Variants in SLC7A5 observed in about 807,000 individuals in gnomAD.
The protein encoded by SLC7A5 is solute carrier family 7 member 5, also known as large neutral amino acids transporter small subunit 1.
A neutral mutation model predicts 50.2 loss-of-function variants in SLC7A5; 23 were observed. That is an observed-to-expected ratio of 0.46 (90% CI 0.33 to 0.65). The LOEUF (loss-of-function observed/expected upper bound fraction) is 0.65. Among genes scored for constraint, SLC7A5 ranks in the 30% least tolerant of loss-of-function variants. The pLI is 0.02. For synonymous variants in SLC7A5, 393 were observed against 330.6 expected, an observed-to-expected ratio of 1.19 and a Z score of -2.05; for missense variants, 578 against 684.4, an observed-to-expected ratio of 0.84 and a Z score of 1.73.
At position 87,833,395 on chromosome 16, in the gene SLC7A5, T is replaced by C. The variant is rs1403236898; in HGVS notation, c.1469-370A>G. 6.6e-6 allele frequency among the ~76,000 whole-genome samples: 1 copy of C among 152,202 alleles called. No individual in the cohort carries two copies. ...ACACCCGGGCCACCACCTGGACACA[T>C]GCCTGGACTGTTCACAGCAGGCAGG... On this transcript the variant is annotated intron_variant, in intron 9 of 9. Coordinates refer to ENST00000261622, the MANE Select transcript of SLC7A5 (RefSeq NM_003486.7). This position sits in a 1 kb window ranked among gnomAD's most constrained non-coding sequence, Gnocchi z 6.0.
intron 1 of SLC7A5, among the ~76,000 whole-genome samples, chr16:87,858,797 C>T (rs112227703): frequency 2.0e-5 from 3 of 152,202 alleles, no homozygotes; most frequent in South Asian, 2.1e-4. Context: ...ACAATGAACT[C>T]GTTGAACAGA....
At chr16:87,836,196 C>T (rs866739881) in intron 8 of SLC7A5, among the ~76,000 whole-genome samples, 11 of 152,250 alleles carry the variant, frequency 7.2e-5, no homozygotes, top group Admixed American at 2.0e-4. Flanking sequence ...TGCCCCGCCC[C>T]TGCCGGGGCT....
At chr16:87,851,156 G>A (rs539399127) in intron 2 of SLC7A5, among the ~76,000 whole-genome samples, 2 of 152,342 alleles carry the variant, frequency 1.3e-5, no homozygotes, top group South Asian at 2.1e-4. Flanking sequence ...CAGTGGACAC[G>A]TCTGAGTGAT....
At chr16:87,842,648 G>T (rs886286207) in intron 2 of SLC7A5, among the ~76,000 whole-genome samples, 13 of 152,164 alleles carry the variant, frequency 8.5e-5, no homozygotes, top group Admixed American at 8.5e-4. Flanking sequence ...TGGGGCCTTT[G>T]ATCTTCAGCC....
At chr16:87,867,669 TC>T (rs1260209158) in intron 1 of SLC7A5, among the ~76,000 whole-genome samples, 2 of 152,010 alleles carry the variant, frequency 1.3e-5, no homozygotes, top group African/African-American at 4.8e-5. Flanking sequence ...AATTAGCCCT[TC>T]CCACCTTGAA....
At chr16:87,866,998 C>G (rs1445882463) in intron 1 of SLC7A5, among the ~76,000 whole-genome samples, 2 of 151,804 alleles carry the variant, frequency 1.3e-5, no homozygotes, top group Non-Finnish European at 2.9e-5. Context: ...GTGGCGGGAT[C>G]TCAACTCACT....
chr16:87,845,169 C>T (rs1167552456), intron 2 of SLC7A5, among the ~76,000 whole-genome samples: 1 of 139,740 alleles, frequency 7.2e-6, no homozygotes, highest in African/African-American at 3.0e-5. Context: ...GAGGGGCCAA[C>T]CGTGCCACCC....
chr16:87,839,673 C>T (rs1412152842), intron 5 of SLC7A5, 29 bp downstream of exon 5: 1 of 1,612,536 alleles, frequency 6.2e-7, no homozygotes, highest in South Asian at 1.1e-5. Context: ...TCTCAGGCCC[C>T]TGGTGGAAGC....
chr16:87,848,776 A>G (rs536001686), intron 2 of SLC7A5, among the ~76,000 whole-genome samples: 143 of 152,318 alleles, frequency 9.4e-4, no homozygotes, highest in African/African-American at 3.3e-3. Context: ...TATGGCTCTC[A>G]GGTCCCCCCA....
At position 87,862,990 on chromosome 16, in the gene SLC7A5, G is replaced by T. The variant is rs1024144598; in HGVS notation, c.538+5895C>A. Among the ~76,000 whole-genome samples the T allele has an allele frequency of 6.6e-6, 1 of 152,208 alleles. No homozygotes were observed. Among genetic ancestry groups the T allele is most frequent in the South Asian group, 2.1e-4 (1 of 4,832 alleles). On this transcript the variant is annotated intron_variant, in intron 1 of 9. Transcript: ENST00000261622. This position sits in a 1 kb window ranked among gnomAD's most constrained non-coding sequence, Gnocchi z 5.3. The stretch of plus-strand genomic sequence containing the variant: ...CCCGCAGCCAGAGTCCCGCGAGACC[G>T]ACGGACGGCCTGCCCCTGCGTGACG...
Position 87,838,291 on chromosome 16 carries a change from CTTTTT to C in SLC7A5, c.1044-355_1044-351del, listed in dbSNP as rs58144270. Among the ~76,000 whole-genome samples, 636 of 120,070 alleles carry C rather than the reference CTTTTT, an allele frequency of 5.3e-3. 1 individual carries two copies. The highest frequency in any genetic ancestry group is 0.018 in the African/African-American group (571 of 31,454). 78.8% of individuals were successfully genotyped at this position (120,070 alleles called of 152,430 possible). ...CTGTATTATTTGGGCTTGCTGCTGC[CTTTTT>C]TTTTTTTTTTTTTTTGAGATGGTCT... On this transcript the variant is annotated intron_variant, in intron 6 of 9. Transcript: ENST00000261622.
In SLC7A5 at chr16:87,830,582, C is replaced by T. The variant is rs897277022; in HGVS notation, c.*2388G>A. On this transcript the variant is annotated 3_prime_UTR_variant, in exon 10 of 10. Transcript: ENST00000261622. Reference sequence around the variant, plus strand: ...TCAGCACCGCGGGACACGGCCCCTACCTTCTGAAGTGGGGTCCCCAGGCTG... The same window carrying T: ...TCAGCACCGCGGGACACGGCCCCTATCTTCTGAAGTGGGGTCCCCAGGCTG... The T allele has an allele frequency of 6.6e-6, 1 of 152,358 alleles. No homozygotes were observed. Among genetic ancestry groups the T allele is most frequent in the Non-Finnish European group, 1.5e-5 (1 of 68,128 alleles). 9.4% of individuals were successfully genotyped at this position (152,358 alleles called of 1,614,324 possible). A position where few individuals can be genotyped will look rare whatever the true frequency, so the allele number is the denominator to read the frequency against.
chr16:87,849,745 G>T (rs899248169), intron 2 of SLC7A5, among the ~76,000 whole-genome samples: 1 of 152,134 alleles, frequency 6.6e-6, no homozygotes, highest in East Asian at 1.9e-4. Flanking sequence ...TGAGGTCCCA[G>T]GAAGGTTCAG....
chr16:87,864,432 C>T (rs1009260384), intron 1 of SLC7A5, among the ~76,000 whole-genome samples: 3 of 152,174 alleles, frequency 2.0e-5, no homozygotes, highest in Non-Finnish European at 4.4e-5. Flanking sequence ...CCCACTGGTC[C>T]GGGCTCCAGG....
intron 2 of SLC7A5, among the ~76,000 whole-genome samples, chr16:87,843,209 C>T (rs1355408507): frequency 6.6e-6 from 1 of 152,122 alleles, no homozygotes; most frequent in Non-Finnish European, 1.5e-5. Context: ...TCATAGCTGA[C>T]CTCCAGCCTC....
rs1270893934 is a variant in SLC7A5 at position 87,841,669 on chromosome 16, G to A, written c.665-514C>T. Among the ~76,000 whole-genome samples the A allele has an allele frequency of 6.6e-6, 1 of 152,224 alleles. No homozygotes were observed. Among genetic ancestry groups the A allele is most frequent in the Non-Finnish European group, 1.5e-5 (1 of 68,032 alleles). On this transcript the variant is annotated intron_variant, in intron 2 of 9. Transcript: ENST00000261622. The surrounding 1 kb of genome is among the most constrained non-coding windows in gnomAD (Gnocchi z 4.8). ...CAGGACAGGCCTGGGCAAGAACATA[G>A]GTTTGTCCTGGACCGTGCTGAGTGT... is the stretch of plus-strand genomic sequence containing the variant.
At chr16:87,857,261 C>T (rs531935184) in intron 1 of SLC7A5, among the ~76,000 whole-genome samples, 132 of 151,830 alleles carry the variant, frequency 8.7e-4, no homozygotes, top group African/African-American at 3.0e-3. Context: ...TCGCTCTTGT[C>T]GCCCAGGCTG....
rs188094153 is a variant in SLC7A5 at position 87,856,966 on chromosome 16, C to T, written c.539-5117G>A. ...GGTGCTGCCGGCCTGGGGAGCGCCC[C>T]CAGCACAGGCGCGTGCTTCCCTGAT... On this transcript the variant is annotated intron_variant, in intron 1 of 9. Coordinates refer to ENST00000261622, the MANE Select transcript of SLC7A5 (RefSeq NM_003486.7). Among the ~76,000 whole-genome samples the T allele has an allele frequency of 1.1e-3, 165 of 152,214 alleles. 3 individuals carry two copies. The East Asian group carries it at 0.026, about 24-fold the overall frequency.
intron 8 of SLC7A5, among the ~76,000 whole-genome samples, chr16:87,835,320 G>A (rs1048920378): frequency 6.6e-6 from 1 of 152,212 alleles, no homozygotes. Flanking sequence ...AGGTCCCCAT[G>A]GGGGCTGAGC....
Sources: allele counts gnomAD v4.1 joint callset (sites outside exome capture counted in the v4.1 genomes callset), GRCh38; gene constraint gnomAD v4.1.1; non-coding constraint Gnocchi (gnomAD v3.1); transcripts MANE v1.5; gene names NCBI Gene and HGNC (gene_info 2026-07-23, HGNC 2026-07-21).